Variants in ASAP3 observed in about 807,000 individuals in gnomAD.
The protein encoded by ASAP3 is ArfGAP with SH3 domain, ankyrin repeat and PH domain 3.
Under a neutral mutation model 118.2 loss-of-function variants are expected in ASAP3, and 85 were observed. That is an observed-to-expected ratio of 0.72 (90% confidence interval 0.60 to 0.86). ASAP3 has a LOEUF of 0.86. Ranked by LOEUF, ASAP3 falls within the 40% of genes least tolerant of loss-of-function variation. ASAP3 has a pLI of 0.00. For synonymous variants in ASAP3, 432 were observed against 477.4 expected (o/e 0.90, Z 1.24); for missense variants, 1,026 against 1,175.0 (o/e 0.87, Z 1.85).
In ASAP3 at chr1:23,436,676, C is replaced by G; in HGVS notation, c.1477-22G>C. Reference sequence around the variant, plus strand: ...CCAGCTGGAGTCGTAGGAAAATAGACGTGGGGCGGAGTAAGACCGGGCGGT... The same window carrying G: ...CCAGCTGGAGTCGTAGGAAAATAGAGGTGGGGCGGAGTAAGACCGGGCGGT... On this transcript the variant is annotated intron_variant, in intron 15 of 24. Coordinates refer to ENST00000336689, the MANE Select transcript of ASAP3 (RefSeq NM_017707.4). This position sits in a 1 kb window ranked among gnomAD's most constrained non-coding sequence, Gnocchi z 4.2. 6.2e-7 allele frequency: 1 copy of G among 1,613,754 alleles called. No individual in the cohort carries two copies. Among genetic ancestry groups the G allele is most frequent in the Non-Finnish European group, 8.5e-7 (1 of 1,179,662 alleles).
rs577004903 is a variant in ASAP3 at position 23,476,483 on chromosome 1, C to G, written c.129+7522G>C. ...TGCACTTCTCTCCTCCTCCACCAAC[C>G]ACAACCCGATCCACACCACCATCAT... On this transcript the variant is annotated intron_variant, in intron 1 of 24. Transcript: ENST00000336689. 5.3e-5 allele frequency among the ~76,000 whole-genome samples: 8 copies of G among 151,614 alleles called. No homozygotes were observed. In the South Asian group the frequency reaches 1.7e-3, roughly 32 times the overall value.
rs760530361 is a variant in ASAP3 at position 23,434,206 on chromosome 1, G to A, written c.1951+48C>T. The A allele has an allele frequency of 3.2e-6, 5 of 1,576,058 alleles. No individual in the cohort carries two copies. The East Asian group carries it at 1.1e-4, about 35-fold the overall frequency. On this transcript the variant is annotated intron_variant, in intron 19 of 24. Coordinates refer to ENST00000336689, the MANE Select transcript of ASAP3 (RefSeq NM_017707.4). ...CCGAGACCATCGGAAGTCCACATAA[G>A]GGGTAGTCAGGAATAGGAGTCTGAC... is the stretch of plus-strand genomic sequence containing the variant.
At chr1:23,473,197 CATCA>C (rs1642015976) in intron 1 of ASAP3, among the ~76,000 whole-genome samples, 1 of 152,232 alleles carries the variant, frequency 6.6e-6, no homozygotes. Context: ...CCCAACTGCT[CATCA>C]GTTACCTGGG....
chr1:23,451,396 A>C, intron 5 of ASAP3, 83 bp downstream of exon 5: 1 of 1,447,042 alleles, frequency 6.9e-7, no homozygotes, highest in South Asian at 1.1e-5. Flanking sequence ...TCTGGATGAC[A>C]TGTCTCGGCA....
intron 1 of ASAP3, among the ~76,000 whole-genome samples, chr1:23,471,854 T>C (rs1641970514): frequency 6.6e-6 from 1 of 152,254 alleles, no homozygotes; most frequent in South Asian, 2.1e-4. Context: ...AGGCCCTGTG[T>C]TATGATGTGC....
Position 23,433,713 on chromosome 1 carries a change from G to C in ASAP3, c.1952-20C>G. ...CATTTACTGTGAGCGGGGAAAGTCA[G>C]GGTTCATGGTCATAGTCAAAGAAAC... On this transcript the variant is annotated intron_variant, in intron 19 of 24. Coordinates refer to ENST00000336689, the MANE Select transcript of ASAP3 (RefSeq NM_017707.4). The C allele has an allele frequency of 6.2e-7, 1 of 1,614,052 alleles. No homozygotes were observed. Among genetic ancestry groups the C allele is most frequent in the Admixed American group, 1.7e-5 (1 of 60,026 alleles).
rs145461270 is a variant in ASAP3 at position 23,456,832 on chromosome 1, G to A, written c.130-638C>T. Among the ~76,000 whole-genome samples, 443 of 152,278 alleles carry A rather than the reference G, an allele frequency of 2.9e-3. 7 individuals carry two copies. The highest frequency in any genetic ancestry group is 0.028 in the East Asian group (146 of 5,178). On this transcript the variant is annotated intron_variant, in intron 1 of 24. Coordinates refer to ENST00000336689, the MANE Select transcript of ASAP3 (RefSeq NM_017707.4). ...TGGAGGCATTCAGTTACCTGAGTCT[G>A]GGGAGATGGCAGAGGGTGGCGGGAG...
At chr1:23,442,475 C>G (rs371801629) in intron 6 of ASAP3, 26 bp downstream of exon 6, 48 of 1,608,154 alleles carry the variant, frequency 3.0e-5, no homozygotes, top group Non-Finnish European at 3.8e-5. Flanking sequence ...CCACGCCCCC[C>G]CTCCCTCATC....
Position 23,437,268 on chromosome 1 carries a change from G to C in ASAP3, c.1204C>G (p.Leu402Val). ...SKDEALSSAF[L>V]GEPSAGPGSW... is the part of the protein sequence containing the mutation. ...CCCGGGCCAGCGCTGGGCTCCCCGA[G>C]GAAGGCGCTGCTCAGGGCTTCGTCC... is the stretch of plus-strand genomic sequence containing the variant. The change falls in exon 14 of 25, where the codon CTC becomes GTC. Residue 402 changes from leucine to valine, a missense_variant. Leu to Val is a conservative substitution (Grantham distance 32, BLOSUM62 1). Transcript: ENST00000336689. This position sits in a 1 kb window ranked among gnomAD's most constrained non-coding sequence, Gnocchi z 6.1. 6.3e-7 allele frequency: 1 copy of C among 1,598,610 alleles called. No individual in the cohort carries two copies.
intron 1 of ASAP3, among the ~76,000 whole-genome samples, chr1:23,474,918 C>A (rs1165123802): frequency 1.3e-5 from 2 of 152,174 alleles, no homozygotes; most frequent in African/African-American, 4.8e-5. Flanking sequence ...GCAATGGATG[C>A]AAATGTGGTT....
intron 1 of ASAP3, among the ~76,000 whole-genome samples, chr1:23,462,919 G>A (rs1641643996): frequency 6.6e-6 from 1 of 152,204 alleles, no homozygotes; most frequent in African/African-American, 2.4e-5. Context: ...TGCTTTGAAG[G>A]AATGGGGAAG....
At chr1:23,483,054 TGGAG>T (rs1642361686) in intron 1 of ASAP3, among the ~76,000 whole-genome samples, 1 of 149,846 alleles carries the variant, frequency 6.7e-6, no homozygotes, top group African/African-American at 2.5e-5. Flanking sequence ...GACTCCGAGA[TGGAG>T]GGTCACCCTG....
chr1:23,468,958 A>C (rs1295463081), intron 1 of ASAP3, among the ~76,000 whole-genome samples: 1 of 151,618 alleles, frequency 6.6e-6, no homozygotes, highest in African/African-American at 2.4e-5. Flanking sequence ...AAGTACAAAA[A>C]AAAAAACAAA....
Position 23,429,881 on chromosome 1 carries a change from C to T in ASAP3, c.2687G>A (p.Ser896Asn). 1 of 1,613,966 alleles carries T rather than the reference C, an allele frequency of 6.2e-7. No individual in the cohort carries two copies. Among genetic ancestry groups the T allele is most frequent in the Non-Finnish European group, 8.5e-7 (1 of 1,179,942 alleles). The change falls in exon 25 of 25, where the codon AGT becomes AAT. Residue 896 changes from serine (S) to asparagine (N), a missense_variant. By Grantham distance (46) the Ser-to-Asn change is conservative. Transcript: ENST00000336689. ...CTAGTCTTGCAAAAGTTGCACAGAA[C>T]TTGCTGGGAGACTCCCAGTCCTTGA... ...DGSRTGSLPA[S>N]SVQLLQD
At position 23,433,516 on chromosome 1, in the gene ASAP3, G is replaced by A. The variant is rs750016708; in HGVS notation, c.2036C>T (p.Ala679Val). The change falls in exon 21 of 25, where the codon GCG becomes GTG. Residue 679 changes from alanine (A) to valine (V), a missense_variant. By Grantham distance (64) the Ala-to-Val change is moderately conservative. Transcript: ENST00000336689. Reference protein sequence around the residue: ...ECEELLEQAQAGTFAFPLHVD... With the variant: ...ECEELLEQAQVGTFAFPLHVD... ...ATGTAGAGGGAAGGCAAAGGTCCCCGCCTGGGCCTGCTCCAGCTGCCAAAA... is the reference window on the plus strand; with the variant it reads ...ATGTAGAGGGAAGGCAAAGGTCCCCACCTGGGCCTGCTCCAGCTGCCAAAA... 1.7e-5 allele frequency: 28 copies of A among 1,614,064 alleles called. 1 individual carries two copies. Among genetic ancestry groups the A allele is most frequent in the South Asian group, 1.2e-4 (11 of 91,084 alleles).
At chr1:23,452,798 C>G in intron 3 of ASAP3, 27 bp from the exon 4 acceptor site, 2 of 1,610,910 alleles carry the variant, frequency 1.2e-6, no homozygotes, top group Non-Finnish European at 1.7e-6. Flanking sequence ...CGCTCATTCC[C>G]GCCTCAGGTG....
At chr1:23,452,485 T>C (rs1641247994) in intron 4 of ASAP3, among the ~76,000 whole-genome samples, 1 of 152,088 alleles carries the variant, frequency 6.6e-6, no homozygotes, top group African/African-American at 2.4e-5. Context: ...AAGATTTACA[T>C]GACATGTTTC....
At chr1:23,440,509 A>G (rs1392772005) in intron 10 of ASAP3, among the ~76,000 whole-genome samples, 9 of 144,136 alleles carry the variant, frequency 6.2e-5, no homozygotes, top group African/African-American at 2.0e-4. Context: ...TCAAAAAAAA[A>G]AAAAAAAAAA....
chr1:23,458,158 A>T (rs1051753041), intron 1 of ASAP3, among the ~76,000 whole-genome samples: 1 of 152,302 alleles, frequency 6.6e-6, no homozygotes, highest in East Asian at 1.9e-4. Context: ...AATCAGGAAG[A>T]TTAAGGAGAC....
Sources: gnomAD v4.1 joint callset for allele counts (sites outside exome capture counted in the v4.1 genomes callset) on GRCh38, gnomAD v4.1.1 for gene constraint, Gnocchi (gnomAD v3.1) non-coding constraint, MANE v1.5 for transcripts, NCBI Gene and HGNC (gene_info 2026-07-23, HGNC 2026-07-21) for gene names.